ZNF212: variants seen among roughly 807,000 people sequenced by gnomAD.
ZNF212 encodes the protein Zinc finger protein C2H2-150.
ZNF212 carries 32 observed loss-of-function variants against 47.3 expected under a neutral mutation model. The ratio of observed to expected loss-of-function variants is 0.68; its 90% confidence interval spans 0.51 to 0.91. ZNF212 has a LOEUF of 0.91. ZNF212 is among the 40% of genes least tolerant of loss of function. ZNF212 has a pLI of 0.00. For missense variants in ZNF212, 555 were observed against 622.8 expected (o/e 0.89, Z 1.16); for synonymous variants, 242 against 253.8 (o/e 0.95, Z 0.44).
At chr7:149,245,393 T>C (rs1220661137) in intron 1 of ZNF212, among the ~76,000 whole-genome samples, 1 of 151,394 alleles carries the variant, frequency 6.6e-6, no homozygotes, top group Non-Finnish European at 1.5e-5. Flanking sequence ...GCATACTATG[T>C]TTATGAATTG....
rs1796737775 is a variant in ZNF212 at position 149,250,543 on chromosome 7, C to G, written c.409C>G (p.Pro137Ala). The G allele has an allele frequency of 6.2e-7, 1 of 1,610,820 alleles. No individual in the cohort carries two copies. The change falls in exon 2 of 5, where the codon CCC (proline) becomes GCC (alanine). Residue 137 changes from proline (P) to alanine (A), a missense_variant. Coordinates refer to ENST00000335870, the MANE Select transcript of ZNF212 (RefSeq NM_012256.4). ...RLPPGSKGEA[P>A]KVSRSLENDG... ...GCCCCCGGGCAGCAAGGGGGAGGCC[C>G]CCAAGGTAGTCTCATTGAGGATTAA...
chr7:149,239,920 T>TGGCGCGGGTG lies in ZNF212; in HGVS notation c.24+119_24+128dup, dbSNP rs557110628. On this transcript the variant is annotated intron_variant, in intron 1 of 4. Transcript: ENST00000335870. ...GGTCTTGGTTTCCCGGGGCTGCCGT[T>TGGCGCGGGTG]GGCGCGGGTGAACGCGGACCCTCCT... 5.8e-4 allele frequency: 687 copies of TGGCGCGGGTG among 1,177,304 alleles called. 4 individuals carry two copies. The African/African-American group carries it at 9.7e-3, about 17-fold the overall frequency. The allele number at this position is 1,177,304 out of a possible 1,614,324, so 72.9% of individuals were successfully genotyped here.
At position 149,250,489 on chromosome 7, in the gene ZNF212, C is replaced by G; in HGVS notation, c.355C>G (p.Arg119Gly). ...GCTGGAGAACGTGGAGAACCTGCTG[C>G]GCAACAGGAACTTCTGGATCCTGCG... is the stretch of plus-strand genomic sequence containing the variant. The part of the protein sequence containing the change: ...RRLENVENLL[R>G]NRNFWILRLP... The change falls in exon 2 of 5, where the codon CGC becomes GGC. Residue 119 changes from arginine to glycine, a missense_variant. Physicochemically the swap from Arg to Gly is moderately radical, Grantham distance 125 (BLOSUM62 -2). Transcript: ENST00000335870. 1 of 1,614,008 alleles carries G rather than the reference C, an allele frequency of 6.2e-7. No individual in the cohort carries two copies. The highest frequency in any genetic ancestry group is 8.5e-7 in the Non-Finnish European group (1 of 1,180,020).
At position 149,250,249 on chromosome 7, in the gene ZNF212, A is replaced by T; in HGVS notation, c.115A>T (p.Ile39Phe). The part of the protein sequence containing the change: ...EKSSYFQTTE[I>F]SLWTVVAAIQ... ...AAGCTCCTATTTTCAGACCACCGAG[A>T]TTTCACTCTGGACGGTGGTGGCCGC... Residue 39 changes from isoleucine (I) to phenylalanine (F), a missense_variant, in exon 2 of 5, where the codon ATT (isoleucine) becomes TTT (phenylalanine). Ile to Phe is a conservative substitution (Grantham distance 21, BLOSUM62 0). Coordinates refer to ENST00000335870, the MANE Select transcript of ZNF212 (RefSeq NM_012256.4). 6.2e-7 allele frequency: 1 copy of T among 1,607,822 alleles called. No individual in the cohort carries two copies. Among genetic ancestry groups the T allele is most frequent in the Non-Finnish European group, 8.5e-7 (1 of 1,176,800 alleles).
chr7:149,246,816 T>C (rs1288555486), intron 1 of ZNF212, among the ~76,000 whole-genome samples: 2 of 54,486 alleles, frequency 3.7e-5, no homozygotes, highest in Non-Finnish European at 3.4e-5. Flanking sequence ...CTGAATTCTT[T>C]TTTTTTTTTT....
At position 149,239,670 on chromosome 7, in the gene ZNF212, C is replaced by CGCGGCG. The variant is rs1407919890; in HGVS notation, c.-109_-108insGCGGCG. 3 of 238,036 alleles carry CGCGGCG rather than the reference C, an allele frequency of 1.3e-5. No individual in the cohort carries two copies. The highest frequency in any genetic ancestry group is 5.8e-6 in the Non-Finnish European group (1 of 173,568). The allele number at this position is 238,036 out of a possible 1,614,324, so 14.7% of individuals were successfully genotyped here. ...GCTCCCAGAATGCACCTGGCATCAA[C>CGCGGCG]ACGGCGGCGGCGGCGGCGGCTTCCA... is the stretch of plus-strand genomic sequence containing the variant. On this transcript the variant is annotated 5_prime_UTR_variant, in exon 1 of 5. Transcript: ENST00000335870.
chr7:149,248,551 C>A (rs888091967), intron 1 of ZNF212, among the ~76,000 whole-genome samples: 10 of 152,162 alleles, frequency 6.6e-5, no homozygotes, highest in Non-Finnish European at 1.0e-4. Context: ...CTTAATCATT[C>A]TTTTCAACCT....
chr7:149,244,724 G>T (rs1335072700), intron 1 of ZNF212, among the ~76,000 whole-genome samples: 2 of 152,230 alleles, frequency 1.3e-5, no homozygotes, highest in East Asian at 1.9e-4. Context: ...GAATGAAAAT[G>T]TGTGCATTCC....
intron 1 of ZNF212, among the ~76,000 whole-genome samples, chr7:149,240,382 A>ACCCCCCCCCCCCCCCCCCCCC: frequency 9.1e-6 from 1 of 109,354 alleles, no homozygotes; most frequent in Non-Finnish European, 1.9e-5. Flanking sequence ...TCTCTCCTTC[A>ACCCCCCCCCCCCCCCCCCCCC]CCCCCCCCCC....
chr7:149,242,533 A>G (rs1342296542), intron 1 of ZNF212, among the ~76,000 whole-genome samples: 1 of 152,220 alleles, frequency 6.6e-6, no homozygotes, highest in Non-Finnish European at 1.5e-5. Flanking sequence ...GATGTAAAGA[A>G]GACATTTTTA....
Position 149,255,390 on chromosome 7 carries a change from T to G in ZNF212, c.*975T>G, listed in dbSNP as rs893037022. The G allele has an allele frequency of 2.0e-5, 3 of 153,652 alleles. No individual in the cohort carries two copies. The highest frequency in any genetic ancestry group is 4.4e-5 in the Non-Finnish European group (3 of 68,018). The allele number at this position is 153,652 out of a possible 1,614,324, so 9.5% of individuals were successfully genotyped here. A position where few individuals can be genotyped will look rare whatever the true frequency, so the allele number is the denominator to read the frequency against. ...CTATTACACCAATCCTTACTTGAGGTGGTTCGGATTACAGTTTCCAAATGC... is the reference window on the plus strand; with the variant it reads ...CTATTACACCAATCCTTACTTGAGGGGGTTCGGATTACAGTTTCCAAATGC... On this transcript the variant is annotated 3_prime_UTR_variant, in exon 5 of 5. Coordinates refer to ENST00000335870, the MANE Select transcript of ZNF212 (RefSeq NM_012256.4).
At chr7:149,251,052 GTTTTTT>G (rs67720780) in intron 3 of ZNF212, among the ~76,000 whole-genome samples, 1 of 124,490 alleles carries the variant, frequency 8.0e-6, no homozygotes, top group African/African-American at 2.9e-5. Context: ...TGCCTTTTGT[GTTTTTT>G]TTTTTTTTTT....
intron 1 of ZNF212, among the ~76,000 whole-genome samples, chr7:149,248,702 A>G (rs1460940181): frequency 1.3e-5 from 2 of 152,246 alleles, no homozygotes; most frequent in East Asian, 3.8e-4. Context: ...AGCAAAACAA[A>G]CATGATGGCA....
Position 149,250,551 on chromosome 7 carries a change from A to G in ZNF212, c.414+3A>G, listed in dbSNP as rs1399390114. 2 of 1,608,768 alleles carry G rather than the reference A, an allele frequency of 1.2e-6. No homozygotes were observed. Among genetic ancestry groups the G allele is most frequent in the Non-Finnish European group, 1.7e-6 (2 of 1,177,412 alleles). ...GCAGCAAGGGGGAGGCCCCCAAGGT[A>G]GTCTCATTGAGGATTAAAAGTTAGA... is the stretch of plus-strand genomic sequence containing the variant. On this transcript the variant is annotated splice_donor_region_variant and intron_variant, in intron 2 of 4. Transcript: ENST00000335870.
At chr7:149,243,488 A>G (rs183601414) in intron 1 of ZNF212, among the ~76,000 whole-genome samples, 3 of 151,302 alleles carry the variant, frequency 2.0e-5, no homozygotes, top group African/African-American at 2.4e-5. Flanking sequence ...CAACTAAAAG[A>G]TAAGGATATA....
chr7:149,241,042 T>TAA (rs1055310105), intron 1 of ZNF212, among the ~76,000 whole-genome samples: 10 of 152,216 alleles, frequency 6.6e-5, no homozygotes, highest in African/African-American at 2.4e-4. Context: ...TAGTTAGTGT[T>TAA]AGAGTCCGGC....
chr7:149,254,245 T>C lies in ZNF212; in HGVS notation c.1318T>C (p.Ser440Pro). The C allele has an allele frequency of 6.2e-7, 1 of 1,614,248 alleles. No individual in the cohort carries two copies. Among genetic ancestry groups the C allele is most frequent in the Non-Finnish European group, 8.5e-7 (1 of 1,180,044 alleles). Residue 440 changes from serine (S) to proline (P), a missense_variant, in exon 5 of 5, where the codon TCT (serine) becomes CCT (proline). Coordinates refer to ENST00000335870, the MANE Select transcript of ZNF212 (RefSeq NM_012256.4). The surrounding 1 kb of genome is among the most constrained non-coding windows in gnomAD (Gnocchi z 4.5). ...CTGTGGCAAGAGCTTCAGTCACCCATCTGACTTGGTGCGGCACCAGCGCAT... is the reference window on the plus strand; with the variant it reads ...CTGTGGCAAGAGCTTCAGTCACCCACCTGACTTGGTGCGGCACCAGCGCAT... ...GYCGKSFSHP[S>P]DLVRHQRIHT...
chr7:149,246,977 T>C (rs985121990), intron 1 of ZNF212, among the ~76,000 whole-genome samples: 1 of 149,050 alleles, frequency 6.7e-6, no homozygotes, highest in Non-Finnish European at 1.5e-5. Context: ...CATGCCCGGC[T>C]CATTTTGTAT....
At chr7:149,250,047 CTTTTT>C (rs1223881590) in intron 1 of ZNF212, 107 bp from the exon 2 acceptor site, 2 of 1,074,462 alleles carry the variant, frequency 1.9e-6, no homozygotes, top group Non-Finnish European at 2.4e-6. Flanking sequence ...AAAAGACATG[CTTTTT>C]TTTAATTAAA....
Sources: gnomAD v4.1 joint callset for allele counts (sites outside exome capture counted in the v4.1 genomes callset) on GRCh38, gnomAD v4.1.1 for gene constraint, Gnocchi (gnomAD v3.1) non-coding constraint, MANE v1.5 for transcripts, NCBI Gene and HGNC (gene_info 2026-07-23, HGNC 2026-07-21) for gene names.